The following GLIS3 variants were observed in gnomAD, a reference collection of about 807,000 sequenced individuals.
GLIS3 encodes GLIS family zinc finger 3.
GLIS3 carries 53 observed loss-of-function variants against 78.6 expected under a neutral mutation model. That is an observed-to-expected ratio of 0.67 (90% confidence interval 0.54 to 0.85). The LOEUF (loss-of-function observed/expected upper bound fraction) is 0.85. GLIS3 is among the 40% of genes least tolerant of loss of function. The pLI, the probability that GLIS3 is intolerant of heterozygous loss-of-function variation, is 0.00. For missense variants in GLIS3, 1,703 were observed against 1,231.1 expected (o/e 1.38, Z -5.74); for synonymous variants, 684 against 509.9 (o/e 1.34, Z -4.60).
intron 8 of GLIS3, among the ~76,000 whole-genome samples, chr9:3,857,403 A>G (rs1004321086): frequency 7.2e-5 from 11 of 152,244 alleles, no homozygotes; most frequent in Non-Finnish European, 1.0e-4. Flanking sequence ...TCAAGCTTAT[A>G]AAGTGATTGG....
intron 2 of GLIS3, among the ~76,000 whole-genome samples, chr9:4,248,151 C>T (rs1305671609): frequency 6.6e-6 from 1 of 152,160 alleles, no homozygotes; most frequent in Non-Finnish European, 1.5e-5. Context: ...AGGCTTGTTA[C>T]ATAGGTATGC....
chr9:4,291,768 T>C (rs1360440653), intron 1 of GLIS3, among the ~76,000 whole-genome samples: 1 of 152,172 alleles, frequency 6.6e-6, no homozygotes, highest in Non-Finnish European at 1.5e-5. Flanking sequence ...CCTTCAGGAA[T>C]ACACCGCTCG....
At chr9:4,177,006 T>C (rs1332468517) in intron 2 of GLIS3, among the ~76,000 whole-genome samples, 1 of 152,222 alleles carries the variant, frequency 6.6e-6, no homozygotes, top group Non-Finnish European at 1.5e-5. Flanking sequence ...GCAACATCAG[T>C]ACATTTAACC....
At chr9:4,209,294 G>T (rs754925830) in intron 2 of GLIS3, among the ~76,000 whole-genome samples, 1 of 152,068 alleles carries the variant, frequency 6.6e-6, no homozygotes, top group Admixed American at 6.5e-5. Context: ...TTTTCAACAG[G>T]TGCTTGTGCT....
chr9:4,190,789 T>C (rs1818260949), intron 2 of GLIS3, among the ~76,000 whole-genome samples: 2 of 152,046 alleles, frequency 1.3e-5, no homozygotes, highest in African/African-American at 2.4e-5. Context: ...GAGAGAAAGG[T>C]TGGGTTACCC....
At chr9:4,285,855 T>C in intron 2 of GLIS3, 183 bp downstream of exon 2, 1 of 692,080 alleles carries the variant, frequency 1.4e-6, no homozygotes, top group Non-Finnish European at 2.5e-6. Context: ...TTTACCACTG[T>C]GGTCCCCTCC....
chr9:4,089,787 C>G (rs936137310), intron 4 of GLIS3, among the ~76,000 whole-genome samples: 1 of 152,160 alleles, frequency 6.6e-6, no homozygotes, highest in Non-Finnish European at 1.5e-5. Context: ...CCACTGCATT[C>G]TAGCCTGGGC....
Position 4,045,236 on chromosome 9 carries a change from C to T in GLIS3, c.1710+72532G>A, listed in dbSNP as rs79336162. On this transcript the variant is annotated intron_variant, in intron 4 of 10. Coordinates refer to ENST00000381971, the MANE Select transcript of GLIS3 (RefSeq NM_001042413.2). Reference sequence around the variant, plus strand: ...AGCCCTATTACTTGAAGACGGTCCCCTTGCAAATGAAGGAAACTGATGTAC... The same window carrying T: ...AGCCCTATTACTTGAAGACGGTCCCTTTGCAAATGAAGGAAACTGATGTAC... Among the ~76,000 whole-genome samples the T allele has an allele frequency of 3.1e-3, 465 of 152,280 alleles. 1 individual carries two copies. The highest frequency in any genetic ancestry group is 4.6e-3 in the Non-Finnish European group (315 of 68,024).
At chr9:4,054,234 G>T in intron 4 of GLIS3, 1 of 639,240 alleles carries the variant, frequency 1.6e-6, no homozygotes, top group Non-Finnish European at 1.9e-6. Flanking sequence ...AGCTCTGTGA[G>T]GGCAGAGATC....
At chr9:4,256,884 A>T (rs1225794468) in intron 2 of GLIS3, among the ~76,000 whole-genome samples, 1 of 152,236 alleles carries the variant, frequency 6.6e-6, no homozygotes, top group Admixed American at 6.5e-5. Flanking sequence ...TCTTGTAAAG[A>T]TATCTGTACT....
At position 4,249,394 on chromosome 9, in the gene GLIS3, G is replaced by C. The variant is rs115438711; in HGVS notation, c.388+36644C>G. Among the ~76,000 whole-genome samples, 964 of 152,252 alleles carry C rather than the reference G, an allele frequency of 6.3e-3. 9 individuals are homozygous for C. Among genetic ancestry groups the C allele is most frequent in the African/African-American group, 0.022 (915 of 41,550 alleles). On this transcript the variant is annotated intron_variant, in intron 2 of 10. Transcript: ENST00000381971. The stretch of plus-strand genomic sequence containing the variant: ...ATCCTCTTTGTAGCAATTGTGAATG[G>C]AAGTTAACTCATGATTTGGCTGTTT...
chr9:3,989,078 C>G (rs1382005208), intron 4 of GLIS3, among the ~76,000 whole-genome samples: 3 of 151,848 alleles, frequency 2.0e-5, no homozygotes, highest in Non-Finnish European at 4.4e-5. Flanking sequence ...ACAAGCAATC[C>G]AAATAGAAAA....
At chr9:4,383,015 G>A in the GLIS3 span, among the ~76,000 whole-genome samples, 1 of 152,126 alleles carries the variant, frequency 6.6e-6, no homozygotes, top group African/African-American at 2.4e-5. Flanking sequence ...TTCCTAAAAG[G>A]AAGTTGCAGA....
chr9:4,323,259 T>G (rs567205288), intron 2 of GLIS3, among the ~76,000 whole-genome samples: 1 of 152,236 alleles, frequency 6.6e-6, no homozygotes, highest in Non-Finnish European at 1.5e-5. Flanking sequence ...CAAACTATAC[T>G]CCTGACCTCA....
At chr9:4,197,030 G>A (rs1180471321) in intron 2 of GLIS3, among the ~76,000 whole-genome samples, 1 of 152,142 alleles carries the variant, frequency 6.6e-6, no homozygotes, top group Admixed American at 6.5e-5. Flanking sequence ...AGATCGTGGT[G>A]CAGTGGGGCT....
chr9:4,253,031 T>A (rs1824545363), intron 2 of GLIS3, among the ~76,000 whole-genome samples: 1 of 152,214 alleles, frequency 6.6e-6, no homozygotes, highest in African/African-American at 2.4e-5. Context: ...GAAGCTCTCC[T>A]GTATGAAGTC....
At chr9:4,096,082 G>A (rs886950668) in intron 4 of GLIS3, among the ~76,000 whole-genome samples, 1 of 147,290 alleles carries the variant, frequency 6.8e-6, no homozygotes, top group Non-Finnish European at 1.5e-5. Flanking sequence ...AAAGAAGAGA[G>A]ATATATTTTT....
chr9:4,463,479 T>C, the GLIS3 span, among the ~76,000 whole-genome samples: 9 of 152,214 alleles, frequency 5.9e-5, no homozygotes, highest in African/African-American at 2.2e-4. Flanking sequence ...TTCATCAAAA[T>C]TATTTCTTTC....
intron 4 of GLIS3, among the ~76,000 whole-genome samples, chr9:4,091,572 CAT>C (rs1380344527): frequency 6.6e-6 from 1 of 152,082 alleles, no homozygotes; most frequent in African/African-American, 2.4e-5. Context: ...AATGTGCAGT[CAT>C]GTGTCGCTTA....
Sources: allele counts gnomAD v4.1 joint callset (sites outside exome capture counted in the v4.1 genomes callset), GRCh38; gene constraint gnomAD v4.1.1; transcripts MANE v1.5; gene names NCBI Gene and HGNC (gene_info 2026-07-23, HGNC 2026-07-21).